Variants in CHMP3 observed in about 807,000 individuals in gnomAD.
The protein encoded by CHMP3 is charged multivesicular body protein 3, also known as 25.1 protein.
A neutral mutation model predicts 27.4 loss-of-function variants in CHMP3; 8 were observed. That is an observed-to-expected ratio of 0.29 (90% CI 0.17 to 0.53). The LOEUF (loss-of-function observed/expected upper bound fraction) is 0.53. CHMP3 is among the 20% of genes least tolerant of loss of function. The pLI is 0.96. For synonymous variants in CHMP3, 86 were observed against 85.5 expected, an observed-to-expected ratio of 1.01 and a Z score of -0.03; for missense variants, 208 against 271.5, an observed-to-expected ratio of 0.77 and a Z score of 1.64.
At chr2:86,559,325 AC>A (rs1373849583) in intron 1 of CHMP3, among the ~76,000 whole-genome samples, 4 of 152,140 alleles carry the variant, frequency 2.6e-5, no homozygotes, top group African/African-American at 9.7e-5. Flanking sequence ...CCGGCCTTCA[AC>A]CCTGGACTGA....
rs1480449665 is a variant in CHMP3 at position 86,510,824 on chromosome 2, A to C, written c.287-345T>G. The C allele has an allele frequency of 8.6e-6, 2 of 233,384 alleles. 1 individual carries two copies. Among genetic ancestry groups the C allele is most frequent in the East Asian group, 2.4e-4 (2 of 8,328 alleles). The allele number at this position is 233,384 out of a possible 1,614,324, so 14.5% of individuals were successfully genotyped here. A position where few individuals can be genotyped will look rare whatever the true frequency, so the allele number is the denominator to read the frequency against. On this transcript the variant is annotated intron_variant, in intron 3 of 5. Coordinates refer to ENST00000263856, the MANE Select transcript of CHMP3 (RefSeq NM_016079.4). ...GGAGAAAGAGCTCCAGACCTTGTAA[A>C]GGCCACACTAGGAAAGAGAAGGCTT...
chr2:86,507,984 T>C (rs1387619778), intron 4 of CHMP3, among the ~76,000 whole-genome samples: 1 of 152,016 alleles, frequency 6.6e-6, no homozygotes, highest in East Asian at 1.9e-4. Context: ...GGTTGGAATA[T>C]GGTATGAAAA....
At chr2:86,547,833 T>A (rs1046895677) in intron 1 of CHMP3, among the ~76,000 whole-genome samples, 1 of 152,132 alleles carries the variant, frequency 6.6e-6, no homozygotes, top group Non-Finnish European at 1.5e-5. Flanking sequence ...GTGTACAGAA[T>A]AAAAAATCAA....
chr2:86,526,950 C>A (rs536960753), intron 3 of CHMP3: 1 of 151,924 alleles, frequency 6.6e-6, no homozygotes, highest in South Asian at 2.1e-4. Context: ...AGTATGATAC[C>A]ATTCATAAAA....
At chr2:86,546,134 G>A (rs903520883) in intron 1 of CHMP3, among the ~76,000 whole-genome samples, 30 of 152,224 alleles carry the variant, frequency 2.0e-4, no homozygotes, top group Admixed American at 3.9e-4. Flanking sequence ...GCCGAGGCAG[G>A]CAGATCACTC....
In CHMP3 at chr2:86,521,777, C is replaced by T. The variant is rs116460615; in HGVS notation, c.286+7441G>A. Among the ~76,000 whole-genome samples, 343 of 152,314 alleles carry T rather than the reference C, an allele frequency of 2.3e-3. 4 individuals carry two copies. The highest frequency in any genetic ancestry group is 5.0e-3 in the African/African-American group (209 of 41,574). On this transcript the variant is annotated intron_variant, in intron 3 of 5. Transcript: ENST00000263856. ...TAAGTCAGAATTTCCTCCCTTTTTACGGCTGAATAATATTCTATTATACAG... is the reference window on the plus strand; with the variant it reads ...TAAGTCAGAATTTCCTCCCTTTTTATGGCTGAATAATATTCTATTATACAG...
chr2:86,508,018 C>T (rs1406893418), intron 4 of CHMP3, among the ~76,000 whole-genome samples: 1 of 151,886 alleles, frequency 6.6e-6, no homozygotes, highest in Non-Finnish European at 1.5e-5. Context: ...TAGTAGATGC[C>T]GTGATAAAAA....
At chr2:86,556,669 C>T (rs1000705970) in intron 1 of CHMP3, among the ~76,000 whole-genome samples, 5 of 152,034 alleles carry the variant, frequency 3.3e-5, no homozygotes, top group African/African-American at 7.2e-5. Context: ...TCGGGGAAGG[C>T]GGGGAGGGAC....
intron 1 of CHMP3, among the ~76,000 whole-genome samples, chr2:86,554,640 C>A (rs1322939367): frequency 6.6e-6 from 1 of 152,096 alleles, no homozygotes; most frequent in Non-Finnish European, 1.5e-5. Context: ...ACCAATTTGG[C>A]AGTATTTTTG....
chr2:86,518,309 C>T (rs1675392443), intron 3 of CHMP3, among the ~76,000 whole-genome samples: 1 of 151,688 alleles, frequency 6.6e-6, no homozygotes, highest in African/African-American at 2.4e-5. Flanking sequence ...TAATAATGAA[C>T]AGAAAGATAA....
At chr2:86,534,113 T>C (rs1676031287) in intron 2 of CHMP3, among the ~76,000 whole-genome samples, 1 of 152,036 alleles carries the variant, frequency 6.6e-6, no homozygotes, top group Non-Finnish European at 1.5e-5. Flanking sequence ...TCCTAAAGAA[T>C]GTCTTGTGTA....
At position 86,523,663 on chromosome 2, in the gene CHMP3, C is replaced by T. The variant is rs573336016; in HGVS notation, c.286+5555G>A. Among the ~76,000 whole-genome samples the T allele has an allele frequency of 5.3e-5, 8 of 152,182 alleles. No homozygotes were observed. In the South Asian group the frequency reaches 1.7e-3, roughly 32 times the overall value. On this transcript the variant is annotated intron_variant, in intron 3 of 5. Coordinates refer to ENST00000263856, the MANE Select transcript of CHMP3 (RefSeq NM_016079.4). Reference sequence around the variant, plus strand: ...AAGCGTATACTTAAATCTAGCTTCCCCTACCCTCCTCCCTTCCACTCTCTC... The same window carrying T: ...AAGCGTATACTTAAATCTAGCTTCCTCTACCCTCCTCCCTTCCACTCTCTC...
rs1674924325 is a variant in CHMP3, at chr2:86,507,311, ATGGTTATAGATATTG to A, written c.523+153_523+167del. Reference sequence around the variant, plus strand: ...TTTTAAGAATTGTGTTTTTTAAAAGATGGTTATAGATATTGTGCTTACTTTTCAAGAAATAAGCTG... The same window carrying A: ...TTTTAAGAATTGTGTTTTTTAAAAGATGCTTACTTTTCAAGAAATAAGCTG... On this transcript the variant is annotated intron_variant, in intron 5 of 5. Transcript: ENST00000263856. 6.8e-6 allele frequency: 4 copies of A among 587,862 alleles called. No individual in the cohort carries two copies. In the East Asian group the frequency reaches 1.2e-4, roughly 17 times the overall value. The allele number at this position is 587,862 out of a possible 1,614,324, so 36.4% of individuals were successfully genotyped here.
At chr2:86,508,780 T>G (rs561504975) in intron 4 of CHMP3, among the ~76,000 whole-genome samples, 1 of 152,310 alleles carries the variant, frequency 6.6e-6, no homozygotes, top group South Asian at 2.1e-4. Context: ...AGATCCGTTC[T>G]TCCCAACCAA....
At chr2:86,537,354 A>T (rs1676188056) in intron 2 of CHMP3, among the ~76,000 whole-genome samples, 1 of 151,988 alleles carries the variant, frequency 6.6e-6, no homozygotes, top group South Asian at 2.1e-4. Context: ...TCCATCGATT[A>T]TTTCCATTTT....
chr2:86,532,282 T>G (rs1471644459), intron 2 of CHMP3, among the ~76,000 whole-genome samples: 3 of 152,190 alleles, frequency 2.0e-5, no homozygotes, highest in Non-Finnish European at 4.4e-5. Context: ...CAATTTTTTT[T>G]GGTGCTGATT....
At chr2:86,536,611 T>C (rs1332480512) in intron 2 of CHMP3, among the ~76,000 whole-genome samples, 1 of 152,214 alleles carries the variant, frequency 6.6e-6, no homozygotes, top group African/African-American at 2.4e-5. Flanking sequence ...GTTTCTCTCT[T>C]GCTCCTTTTA....
intron 2 of CHMP3, among the ~76,000 whole-genome samples, chr2:86,539,518 C>G (rs1231296816): frequency 6.6e-6 from 1 of 151,970 alleles, no homozygotes; most frequent in African/African-American, 2.4e-5. Flanking sequence ...AGATATTGGG[C>G]TTGAAGATCA....
chr2:86,510,247 T>C (rs1433506077), intron 4 of CHMP3, 111 bp downstream of exon 4: 1 of 1,477,396 alleles, frequency 6.8e-7, no homozygotes, highest in East Asian at 2.4e-5. Context: ...ATTAATTCTG[T>C]CTAGCAGGTG....
Sources: allele counts gnomAD v4.1 joint callset (sites outside exome capture counted in the v4.1 genomes callset), GRCh38; gene constraint gnomAD v4.1.1; transcripts MANE v1.5; gene names NCBI Gene and HGNC (gene_info 2026-07-23, HGNC 2026-07-21).